Variants in ZFPM2 observed in about 807,000 individuals in gnomAD.
The protein encoded by ZFPM2 is zinc finger protein, FOG family member 2, also known as zinc finger protein ZFPM2.
Under a neutral mutation model 98.6 loss-of-function variants are expected in ZFPM2, and 20 were observed. The observed-to-expected ratio is 0.20, with a 90% CI of 0.14 to 0.29. The LOEUF is 0.29. Ranked by LOEUF, ZFPM2 falls within the 10% of genes least tolerant of loss-of-function variation. The pLI, the probability that ZFPM2 is intolerant of heterozygous loss-of-function variation, is 1.00. For missense variants in ZFPM2, 1,310 were observed against 1,388.6 expected (o/e 0.94, Z 0.90); for synonymous variants, 518 against 502.7 (o/e 1.03, Z -0.41).
chr8:105,627,396 G>C (rs1816679025), intron 4 of ZFPM2, among the ~76,000 whole-genome samples: 1 of 152,070 alleles, frequency 6.6e-6, no homozygotes, highest in African/African-American at 2.4e-5. Context: ...ACAATGTGGA[G>C]CTTCAAAAGT....
Position 105,346,368 on chromosome 8 carries a change from G to A in ZFPM2, c.40+27387G>A, listed in dbSNP as rs1183244686. 9.4e-5 allele frequency among the ~76,000 whole-genome samples: 14 copies of A among 149,530 alleles called. No homozygotes were observed. The East Asian group carries it at 2.5e-3, about 27-fold the overall frequency. Reference sequence around the variant, plus strand: ...CATTGCACTCCAGCCTGGGCAATAAGAGCGAAACTCCATCTCAAAAAAAAA... The same window carrying A: ...CATTGCACTCCAGCCTGGGCAATAAAAGCGAAACTCCATCTCAAAAAAAAA... On this transcript the variant is annotated intron_variant, in intron 1 of 7. Coordinates refer to ENST00000407775, the MANE Select transcript of ZFPM2 (RefSeq NM_012082.4).
At chr8:105,742,356 C>G (rs2131035306) in intron 5 of ZFPM2, among the ~76,000 whole-genome samples, 2 of 134,976 alleles carry the variant, frequency 1.5e-5, no homozygotes, top group South Asian at 4.6e-4. Flanking sequence ...CCAGCTTAGG[C>G]AACAGAGTGA....
At chr8:105,489,466 A>ATTT (rs369037656) in intron 3 of ZFPM2, among the ~76,000 whole-genome samples, 49 of 119,748 alleles carry the variant, frequency 4.1e-4, no homozygotes, top group African/African-American at 1.6e-3. Flanking sequence ...ATATATATAT[A>ATTT]TTTTTTTTTT....
chr8:105,690,487 C>T (rs1810852465), intron 5 of ZFPM2, among the ~76,000 whole-genome samples: 1 of 152,144 alleles, frequency 6.6e-6, no homozygotes, highest in African/African-American at 2.4e-5. Flanking sequence ...CAAGCTTCCG[C>T]ACCAGGGATT....
At chr8:105,610,012 T>A (rs1401632145) in intron 4 of ZFPM2, among the ~76,000 whole-genome samples, 1 of 152,100 alleles carries the variant, frequency 6.6e-6, no homozygotes, top group African/African-American at 2.4e-5. Context: ...CCTCTTGTCC[T>A]CAGATAGGAT....
chr8:105,716,050 T>C (rs1204015977), intron 5 of ZFPM2, among the ~76,000 whole-genome samples: 1 of 151,870 alleles, frequency 6.6e-6, no homozygotes, highest in African/African-American at 2.4e-5. Flanking sequence ...AAAGAGATGC[T>C]GGCAGGAAAA....
intron 5 of ZFPM2, among the ~76,000 whole-genome samples, chr8:105,697,525 T>G (rs376682685): frequency 2.2e-4 from 33 of 152,260 alleles, no homozygotes; most frequent in African/African-American, 7.5e-4. Context: ...GTGTAGTAAT[T>G]TAGCCAGGCC....
At chr8:105,449,686 A>G (rs1812447537) in intron 3 of ZFPM2, among the ~76,000 whole-genome samples, 2 of 151,998 alleles carry the variant, frequency 1.3e-5, no homozygotes, top group African/African-American at 2.4e-5. Flanking sequence ...CCACTTACCA[A>G]TTTTGTGACT....
intron 1 of ZFPM2, among the ~76,000 whole-genome samples, chr8:105,411,104 A>G (rs1345757584): frequency 6.6e-6 from 1 of 151,888 alleles, no homozygotes; most frequent in Non-Finnish European, 1.5e-5. Flanking sequence ...TTTGCCCAGT[A>G]TTCTCTCACT....
At chr8:105,629,018 T>A (rs1348905081) in intron 4 of ZFPM2, among the ~76,000 whole-genome samples, 1 of 152,200 alleles carries the variant, frequency 6.6e-6, no homozygotes, top group Non-Finnish European at 1.5e-5. Flanking sequence ...CAGTCACCCC[T>A]GCCTGTATGC....
At chr8:105,485,103 G>A (rs537945444) in intron 3 of ZFPM2, among the ~76,000 whole-genome samples, 3 of 152,108 alleles carry the variant, frequency 2.0e-5, no homozygotes, top group Non-Finnish European at 4.4e-5. Flanking sequence ...GGTAAGTATC[G>A]CCCATAGAAG....
chr8:105,789,802 T>C (rs1586268796), intron 6 of ZFPM2, among the ~76,000 whole-genome samples: 1 of 152,274 alleles, frequency 6.6e-6, no homozygotes, highest in South Asian at 2.1e-4. Context: ...TGATATCTCA[T>C]TGTGGTTTTG....
At chr8:105,556,548 T>C (rs1022133453) in intron 3 of ZFPM2, among the ~76,000 whole-genome samples, 1 of 152,144 alleles carries the variant, frequency 6.6e-6, no homozygotes, top group African/African-American at 2.4e-5. Flanking sequence ...TTACAGTTAC[T>C]CTTCTCTCAT....
At chr8:105,650,540 T>G (rs1817149579) in intron 5 of ZFPM2, among the ~76,000 whole-genome samples, 1 of 152,236 alleles carries the variant, frequency 6.6e-6, no homozygotes, top group African/African-American at 2.4e-5. Flanking sequence ...CTCTACACAC[T>G]GCTTTAAACG....
intron 6 of ZFPM2, chr8:105,795,727 T>TTAAC (rs905384444): frequency 1.5e-5 from 5 of 336,358 alleles, no homozygotes; most frequent in South Asian, 4.0e-5. Context: ...GAAATTGAAC[T>TTAAC]TAACTTAGTT....
At chr8:105,525,150 T>C (rs935496416) in intron 3 of ZFPM2, among the ~76,000 whole-genome samples, 1 of 152,194 alleles carries the variant, frequency 6.6e-6, no homozygotes, top group African/African-American at 2.4e-5. Context: ...AACTGAAACG[T>C]ACACACAGAC....
intron 3 of ZFPM2, among the ~76,000 whole-genome samples, chr8:105,538,084 A>C (rs947141272): frequency 6.6e-6 from 1 of 152,156 alleles, no homozygotes; most frequent in African/African-American, 2.4e-5. Context: ...GTAGAGGTAC[A>C]TTATATTCTT....
chr8:105,720,437 C>T (rs1811633145), intron 5 of ZFPM2, among the ~76,000 whole-genome samples: 1 of 151,764 alleles, frequency 6.6e-6, no homozygotes, highest in Non-Finnish European at 1.5e-5. Context: ...TCTTAGTGTT[C>T]ACTACTAATT....
intron 5 of ZFPM2, among the ~76,000 whole-genome samples, chr8:105,753,328 C>A (rs1359851961): frequency 6.6e-6 from 1 of 152,018 alleles, no homozygotes; most frequent in Admixed American, 6.6e-5. Context: ...CACCATAAAC[C>A]TTATACACAA....
Sources: allele counts gnomAD v4.1 joint callset (sites outside exome capture counted in the v4.1 genomes callset), GRCh38; gene constraint gnomAD v4.1.1; transcripts MANE v1.5; gene names NCBI Gene and HGNC (gene_info 2026-07-23, HGNC 2026-07-21).